SRFBP1: variants seen among roughly 807,000 people sequenced by gnomAD.
The protein encoded by SRFBP1 is serum response factor binding protein 1, also known as serum response factor-binding protein 1.
SRFBP1 carries 47 observed loss-of-function variants against 45.5 expected under a neutral mutation model. The observed-to-expected ratio is 1.03, with a 90% CI of 0.82 to 1.32. The LOEUF (loss-of-function observed/expected upper bound fraction) is 1.32. SRFBP1 is among the 40% of genes most tolerant of loss of function. The pLI is 0.00. For synonymous variants in SRFBP1, 203 were observed against 166.3 expected (o/e 1.22, Z -1.70); for missense variants, 621 against 484.6 (o/e 1.28, Z -2.64).
chr5:122,029,074 T>A (rs6886480), downstream of SRFBP1, among the ~76,000 whole-genome samples: 1 of 150,824 alleles, frequency 6.6e-6, no homozygotes, highest in African/African-American at 2.4e-5. Flanking sequence ...GGAGTGATTT[T>A]CCCCCCAGGG....
chr5:122,073,904 T>C (rs1754531183), intron 2 of SRFBP1: 26 of 1,011,468 alleles, frequency 2.6e-5, no homozygotes, highest in Middle Eastern at 6.6e-4. Flanking sequence ...TGTATCCTTT[T>C]GATAAAAATG....
intron 2 of SRFBP1, among the ~76,000 whole-genome samples, chr5:122,044,301 G>T (rs1232736900): frequency 2.0e-5 from 3 of 152,164 alleles, no homozygotes; most frequent in Non-Finnish European, 4.4e-5. Context: ...GAATAGGGCT[G>T]CAGTGAACAT....
At position 122,038,207 on chromosome 5, in the gene SRFBP1, G is replaced by A. The variant is rs554553568; in HGVS notation, n.311+15800G>A. On this transcript the variant is annotated intron_variant and non_coding_transcript_variant, in intron 2 of 2. Transcript: ENST00000504881. ...GGAATTTTTTGTTATAGTACAGGTA[G>A]CACTATTCTGATACAGAAATTGGTG... Among the ~76,000 whole-genome samples, 9 of 152,250 alleles carry A rather than the reference G, an allele frequency of 5.9e-5. No individual in the cohort carries two copies. The East Asian group carries it at 1.2e-3, about 20-fold the overall frequency.
downstream of SRFBP1, chr5:122,077,336 C>A (rs1295621371): frequency 2.2e-5 from 36 of 1,613,270 alleles, no homozygotes; most frequent in Non-Finnish European, 3.1e-5. This position sits in a 1 kb window ranked among gnomAD's most constrained non-coding sequence, Gnocchi z 4.9. Context: ...GTGCTTCCAG[C>A]GGACTTGGGG....
Position 122,019,278 on chromosome 5 carries a change from G to A in SRFBP1, c.289G>A (p.Glu97Lys). 6.2e-7 allele frequency: 1 copy of A among 1,612,288 alleles called. No individual in the cohort carries two copies. Residue 97 changes from glutamate to lysine, a missense_variant, in exon 5 of 8, where the codon GAA (glutamate) becomes AAA (lysine). Transcript: ENST00000339397. ...TTTGCAGCCAGATTCTACTGCAACT[G>A]AAAGAGCAATTGCCAGACTAGCAGT... ...IFKKPDSTAT[E>K]RAIARLAVHP...
downstream of SRFBP1, chr5:122,077,266 G>A (rs2152591158): frequency 6.4e-7 from 1 of 1,569,686 alleles, no homozygotes; most frequent in Non-Finnish European, 8.6e-7. The surrounding 1 kb of genome is among the most constrained non-coding windows in gnomAD (Gnocchi z 4.9). Flanking sequence ...CGAGGACCGG[G>A]GCCCGCCGCG....
intron 3 of SRFBP1, among the ~76,000 whole-genome samples, chr5:121,981,480 A>G (rs540399747): frequency 6.7e-6 from 1 of 149,416 alleles, no homozygotes; most frequent in Admixed American, 6.7e-5. Context: ...TCCCTGAATG[A>G]TATACAAGAC....
At chr5:121,977,714 A>G (rs967105023) in intron 3 of SRFBP1, among the ~76,000 whole-genome samples, 1 of 152,124 alleles carries the variant, frequency 6.6e-6, no homozygotes, top group Non-Finnish European at 1.5e-5. Flanking sequence ...TTGATGACAT[A>G]CTATCCTATT....
Position 122,027,037 on chromosome 5 carries a change from C to T in SRFBP1, c.1201C>T (p.His401Tyr). The change falls in exon 8 of 8, where the codon CAT becomes TAT. Residue 401 changes from histidine to tyrosine, a missense_variant. By Grantham distance (83) the His-to-Tyr change is moderately conservative. Coordinates refer to ENST00000339397, the MANE Select transcript of SRFBP1 (RefSeq NM_152546.3). The stretch of plus-strand genomic sequence containing the variant: ...AAAACAGCAATTGCAGCTGCCTCTT[C>T]ATCCTTCATGGGAAGCAAGCAGAAG... ...NTKQQLQLPLHPSWEASRRRK... is the reference protein window; with the variant it reads ...NTKQQLQLPLYPSWEASRRRK... 6.2e-7 allele frequency: 1 copy of T among 1,612,872 alleles called. No homozygotes were observed. The highest frequency in any genetic ancestry group is 8.5e-7 in the Non-Finnish European group (1 of 1,179,606).
At chr5:122,055,452 G>T (rs921653207) in intron 2 of SRFBP1, among the ~76,000 whole-genome samples, 1 of 152,114 alleles carries the variant, frequency 6.6e-6, no homozygotes, top group African/African-American at 2.4e-5. Context: ...TTGTGGGGGT[G>T]GGAGGAGCTC....
downstream of SRFBP1, chr5:122,078,288 A>C: frequency 3.4e-6 from 1 of 295,092 alleles, no homozygotes; most frequent in Non-Finnish European, 6.2e-6. Context: ...GAGATTTTAA[A>C]CTTTCTGGCA....
chr5:122,060,817 A>G (rs1754157879), intron 2 of SRFBP1, among the ~76,000 whole-genome samples: 1 of 152,116 alleles, frequency 6.6e-6, no homozygotes, highest in Admixed American at 6.6e-5. Context: ...CTGCTCCTGC[A>G]GCAAACTCCA....
At chr5:121,997,914 A>C (rs1168854186) in intron 4 of SRFBP1, among the ~76,000 whole-genome samples, 1 of 149,770 alleles carries the variant, frequency 6.7e-6, no homozygotes, top group Non-Finnish European at 1.5e-5. Context: ...CACATGAAAA[A>C]ATGCTCATCA....
At chr5:121,980,674 A>C (rs1473491632) in intron 3 of SRFBP1, among the ~76,000 whole-genome samples, 1 of 152,120 alleles carries the variant, frequency 6.6e-6, no homozygotes, top group Non-Finnish European at 1.5e-5. Flanking sequence ...GGACATTATG[A>C]AGTCGCAGAG....
intron 4 of SRFBP1, among the ~76,000 whole-genome samples, chr5:121,997,018 T>C (rs1390368795): frequency 9.5e-6 from 1 of 104,876 alleles, no homozygotes; most frequent in African/African-American, 4.1e-5. Context: ...TAAAAGAGGA[T>C]ACAAACAAAT....
At chr5:122,048,220 A>G (rs1311139304) in intron 2 of SRFBP1, among the ~76,000 whole-genome samples, 1 of 152,156 alleles carries the variant, frequency 6.6e-6, no homozygotes, top group Non-Finnish European at 1.5e-5. Context: ...GATACATCCT[A>G]TCAATACCTA....
chr5:121,975,375 C>A lies in SRFBP1; in HGVS notation c.186C>A (p.Ile62=), dbSNP rs1347887186. ...QRRAQRLLEE[I]HAMKELKPDI... is the part of the protein sequence containing the mutation. ...GGGCGCAAAGATTGCTTGAAGAAAT[C>A]CATGCCATGAAGGTAAGGACTTGTG... The change falls in exon 3 of 8, where the codon ATC becomes ATA. Residue 62 remains isoleucine, a synonymous_variant. Coordinates refer to ENST00000339397, the MANE Select transcript of SRFBP1 (RefSeq NM_152546.3). 1 of 1,613,180 alleles carries A rather than the reference C, an allele frequency of 6.2e-7. No homozygotes were observed. Among genetic ancestry groups the A allele is most frequent in the South Asian group, 1.1e-5 (1 of 91,054 alleles).
At chr5:122,036,072 G>T (rs1200601797) in intron 2 of SRFBP1, among the ~76,000 whole-genome samples, 2 of 152,174 alleles carry the variant, frequency 1.3e-5, no homozygotes, top group Admixed American at 1.3e-4. Flanking sequence ...GCTGGCCAGG[G>T]TTGCTCAAAC....
rs1199178868 is a variant in SRFBP1 at position 122,022,545 on chromosome 5, A to G, written c.1105+138A>G. On this transcript the variant is annotated intron_variant, in intron 7 of 7. Transcript: ENST00000339397. ...AGAAATGTTAACAGAGCATCTTACA[A>G]TTATCAATATAATTTTTTGTTGTTG... 4 of 627,826 alleles carry G rather than the reference A, an allele frequency of 6.4e-6. No individual in the cohort carries two copies. In the South Asian group the frequency reaches 1.2e-4, roughly 19 times the overall value. 38.9% of individuals were successfully genotyped at this position (627,826 alleles called of 1,614,324 possible).
Sources: allele counts gnomAD v4.1 joint callset (sites outside exome capture counted in the v4.1 genomes callset), GRCh38; gene constraint gnomAD v4.1.1; non-coding constraint Gnocchi (gnomAD v3.1); transcripts MANE v1.5; gene names NCBI Gene and HGNC (gene_info 2026-07-23, HGNC 2026-07-21).